The following KCNK2 variants were observed in gnomAD, a reference collection of about 807,000 sequenced individuals.
KCNK2 encodes the protein potassium channel subfamily K member 2.
Under a neutral mutation model 40.5 loss-of-function variants are expected in KCNK2, and 21 were observed. That is an observed-to-expected ratio of 0.52 (90% CI 0.37 to 0.75). KCNK2 has a LOEUF of 0.75. KCNK2 is among the 30% of genes least tolerant of loss of function. The pLI is 0.00. For synonymous variants in KCNK2, 191 were observed against 202.2 expected (o/e 0.94, Z 0.47); for missense variants, 399 against 531.6 (o/e 0.75, Z 2.45).
At chr1:215,224,740 G>A (rs1407341976) in intron 6 of KCNK2, among the ~76,000 whole-genome samples, 1 of 152,150 alleles carries the variant, frequency 6.6e-6, no homozygotes, top group Non-Finnish European at 1.5e-5. Flanking sequence ...ACACTCGTGT[G>A]TGTAGTAAAA....
chr1:215,061,909 A>G (rs577440925), intron 1 of KCNK2, among the ~76,000 whole-genome samples: 2 of 152,272 alleles, frequency 1.3e-5, no homozygotes, highest in African/African-American at 2.4e-5. Context: ...AGAAGGAATA[A>G]TTAGTGGATT....
rs555691395 is a variant in KCNK2, at chr1:215,151,114, T to A, written c.476-18085T>A. Among the ~76,000 whole-genome samples the A allele has an allele frequency of 2.0e-4, 30 of 152,288 alleles. No homozygotes were observed. The South Asian group carries it at 5.6e-3, about 28-fold the overall frequency. ...ATAAATGTAATATATTTATAGGTAT[T>A]CTTTTCTCTCATTATTTTGCTATTG... On this transcript the variant is annotated intron_variant, in intron 3 of 6. Transcript: ENST00000444842.
At chr1:215,073,638 A>G (rs1425823621) in intron 1 of KCNK2, among the ~76,000 whole-genome samples, 2 of 152,194 alleles carry the variant, frequency 1.3e-5, no homozygotes, top group Admixed American at 6.5e-5. Flanking sequence ...TGACTAAACC[A>G]CAGAGAGAAA....
intron 5 of KCNK2, among the ~76,000 whole-genome samples, chr1:215,192,198 A>G (rs548303924): frequency 6.6e-6 from 1 of 152,236 alleles, no homozygotes; most frequent in African/African-American, 2.4e-5. Flanking sequence ...AAATTAATTC[A>G]TGAATCTTAG....
At chr1:215,105,422 G>A (rs1335828673) in intron 2 of KCNK2, among the ~76,000 whole-genome samples, 1 of 152,038 alleles carries the variant, frequency 6.6e-6, no homozygotes, top group African/African-American at 2.4e-5. Context: ...CCTATTTAGG[G>A]ATGGATCATA....
chr1:215,080,709 C>T (rs1659122273), upstream of KCNK2, among the ~76,000 whole-genome samples: 2 of 152,092 alleles, frequency 1.3e-5, no homozygotes, highest in Non-Finnish European at 2.9e-5. Flanking sequence ...AGATGAAAGA[C>T]GAGTTGACCT....
intron 6 of KCNK2, among the ~76,000 whole-genome samples, chr1:215,198,696 A>G (rs1664965154): frequency 6.6e-6 from 1 of 152,180 alleles, no homozygotes; most frequent in Non-Finnish European, 1.5e-5. Context: ...AAAAACTCCC[A>G]AAGTGTTAAG....
intron 1 of KCNK2, among the ~76,000 whole-genome samples, chr1:215,008,454 A>C (rs1656263443): frequency 6.6e-6 from 1 of 152,144 alleles, no homozygotes; most frequent in Admixed American, 6.6e-5. Context: ...ATTTTCAGTC[A>C]GTCAAATTAG....
At chr1:215,090,767 G>A (rs558403425) in intron 2 of KCNK2, among the ~76,000 whole-genome samples, 1 of 152,262 alleles carries the variant, frequency 6.6e-6, no homozygotes, top group Admixed American at 6.5e-5. Context: ...CTTGAGCTAG[G>A]TTGGGAAGAT....
chr1:215,056,449 G>A (rs1470523508), intron 1 of KCNK2, among the ~76,000 whole-genome samples: 3 of 132,086 alleles, frequency 2.3e-5, no homozygotes, highest in Non-Finnish European at 3.1e-5. Flanking sequence ...AGGTTGCAGG[G>A]AGCCAAGATT....
At chr1:215,124,361 T>G (rs545275141) in intron 2 of KCNK2, among the ~76,000 whole-genome samples, 9 of 152,294 alleles carry the variant, frequency 5.9e-5, no homozygotes, top group African/African-American at 2.2e-4. Context: ...ATTAAATATG[T>G]TAATGGATGA....
chr1:215,117,666 G>T (rs994812478), intron 2 of KCNK2, among the ~76,000 whole-genome samples: 7 of 152,092 alleles, frequency 4.6e-5, no homozygotes, highest in African/African-American at 1.7e-4. Context: ...ACTGAGAACT[G>T]CTCATGGAAT....
At chr1:215,223,073 C>A (rs1320476000) in intron 6 of KCNK2, among the ~76,000 whole-genome samples, 1 of 151,952 alleles carries the variant, frequency 6.6e-6, no homozygotes, top group Non-Finnish European at 1.5e-5. Flanking sequence ...GGTCAAAGAT[C>A]AGGAAGACTT....
chr1:215,212,861 G>C (rs1665797136), intron 6 of KCNK2, among the ~76,000 whole-genome samples: 1 of 152,294 alleles, frequency 6.6e-6, no homozygotes, highest in East Asian at 1.9e-4. Context: ...GCAGCTCCAG[G>C]AAAGAATTAG....
At chr1:215,035,938 T>TAA (rs1558064179) in intron 1 of KCNK2, among the ~76,000 whole-genome samples, 2 of 147,698 alleles carry the variant, frequency 1.4e-5, no homozygotes, top group African/African-American at 4.9e-5. Context: ...GTTTTTTTTT[T>TAA]AAATATATTC....
At chr1:215,141,693 A>G (rs1473957143) in intron 3 of KCNK2, among the ~76,000 whole-genome samples, 1 of 152,010 alleles carries the variant, frequency 6.6e-6, no homozygotes, top group Non-Finnish European at 1.5e-5. Flanking sequence ...TCCTACCACA[A>G]CTCTATAAAT....
chr1:215,159,194 G>A (rs1207849992), intron 3 of KCNK2, among the ~76,000 whole-genome samples: 1 of 152,184 alleles, frequency 6.6e-6, no homozygotes, highest in Non-Finnish European at 1.5e-5. Flanking sequence ...AGAGACAAAT[G>A]AGTTAAGTGC....
intron 6 of KCNK2, among the ~76,000 whole-genome samples, chr1:215,230,329 C>T (rs1034308365): frequency 6.7e-6 from 1 of 150,094 alleles, no homozygotes; most frequent in South Asian, 2.1e-4. Context: ...ATACTGCAGG[C>T]ACTTGTAACA....
rs1473569788 is a variant in KCNK2, at chr1:215,041,089, A to ATCT, written c.34+35134_34+35135insTCT. 2.0e-5 allele frequency among the ~76,000 whole-genome samples: 3 copies of ATCT among 152,310 alleles called. No individual in the cohort carries two copies. In the East Asian group the frequency reaches 5.8e-4, roughly 29 times the overall value. On this transcript the variant is annotated intron_variant, in intron 1 of 6. Transcript: ENST00000391895. ...TCTGGCTAAATTAAGGAAAACCATT[A>ATCT]GATGTCCAGCATCAGCACTCAATGT...
Sources: allele counts gnomAD v4.1 joint callset (sites outside exome capture counted in the v4.1 genomes callset), GRCh38; gene constraint gnomAD v4.1.1; transcripts MANE v1.5; gene names NCBI Gene and HGNC (gene_info 2026-07-23, HGNC 2026-07-21).